Variants in RNF213 observed in about 807,000 individuals in gnomAD.
The protein encoded by RNF213 is E3 ubiquitin-protein ligase RNF213.
RNF213 carries 341 observed loss-of-function variants against 514.4 expected under a neutral mutation model. That is an observed-to-expected ratio of 0.66 (90% CI 0.61 to 0.73). RNF213 has a LOEUF of 0.73. RNF213 is among the 30% of genes least tolerant of loss of function. The pLI is 0.00. For synonymous variants in RNF213, 2,655 were observed against 2,658.2 expected, an observed-to-expected ratio of 1.00 and a Z score of 0.04; for missense variants, 5,767 against 6,615.6, an observed-to-expected ratio of 0.87 and a Z score of 4.45.
At chr17:80,290,207 G>C (rs985899889) in intron 6 of RNF213, among the ~76,000 whole-genome samples, 1 of 152,266 alleles carries the variant, frequency 6.6e-6, no homozygotes, top group African/African-American at 2.4e-5. Flanking sequence ...CCTCCATGGG[G>C]GGTGGTGTGT....
At chr17:80,380,146 A>G (rs1378432647) in intron 55 of RNF213, among the ~76,000 whole-genome samples, 1 of 152,136 alleles carries the variant, frequency 6.6e-6, no homozygotes, top group African/African-American at 2.4e-5. Flanking sequence ...TTTGAGAAAA[A>G]TGAAGGAGAC....
At chr17:80,261,403 A>T (rs945076498) in intron 1 of RNF213, among the ~76,000 whole-genome samples, 1 of 152,112 alleles carries the variant, frequency 6.6e-6, no homozygotes, top group South Asian at 2.1e-4. Context: ...CGTCCTTCCG[A>T]CTTGGCGAAG....
chr17:80,369,738 A>G, intron 45 of RNF213, 30 bp from the exon 46 acceptor site: 1 of 1,613,194 alleles, frequency 6.2e-7, no homozygotes, highest in Non-Finnish European at 8.5e-7. Context: ...TGTCTCATGC[A>G]GTGAGCTGCC....
rs1487349146 is a variant in RNF213 at position 80,380,942 on chromosome 17, A to G, written c.13752A>G (p.Leu4584=). 2 of 1,614,112 alleles carry G rather than the reference A, an allele frequency of 1.2e-6. No individual in the cohort carries two copies. The highest frequency in any genetic ancestry group is 2.2e-5 in the East Asian group (1 of 44,864). Reference sequence around the variant, plus strand: ...CAGTGGTCTTCCTCCTTATCCGGCTACTCACTCACTTGGCTCTGCTTCTGG... The same window carrying G: ...CAGTGGTCTTCCTCCTTATCCGGCTGCTCACTCACTTGGCTCTGCTTCTGG... ...LPPVVFLLIR[L]LTHLALLLGA... Residue 4584 remains leucine, a synonymous_variant, in exon 56 of 68, where the codon CTA becomes CTG. Transcript: ENST00000582970.
At chr17:80,355,916 G>A (rs1013456204) in intron 36 of RNF213, among the ~76,000 whole-genome samples, 4 of 151,934 alleles carry the variant, frequency 2.6e-5, no homozygotes, top group Admixed American at 1.3e-4. Context: ...GTTATCCTTC[G>A]TTTCTCTCCT....
At chr17:80,362,418 A>G (rs759070783) in intron 39 of RNF213, among the ~76,000 whole-genome samples, 2 of 152,276 alleles carry the variant, frequency 1.3e-5, no homozygotes, top group Non-Finnish European at 2.9e-5. Flanking sequence ...CAACAATTTT[A>G]TAATCTCATT....
intron 30 of RNF213, among the ~76,000 whole-genome samples, 183 bp from the exon 31 acceptor site, chr17:80,350,118 C>T (rs1337061399): frequency 6.6e-6 from 1 of 152,192 alleles, no homozygotes; most frequent in Non-Finnish European, 1.5e-5. Flanking sequence ...GAGCACCATC[C>T]TCGGACCTCG....
intron 38 of RNF213, 132 bp from the exon 39 acceptor site, chr17:80,361,602 T>A (rs1459294966): frequency 1.1e-6 from 1 of 878,954 alleles, no homozygotes; most frequent in Non-Finnish European, 1.9e-6. Flanking sequence ...ATCAGGCAGT[T>A]GGTACCCCTT....
intron 5 of RNF213, among the ~76,000 whole-genome samples, chr17:80,289,246 AG>A (rs2143252881): frequency 6.6e-6 from 1 of 152,250 alleles, no homozygotes; most frequent in South Asian, 2.1e-4. Flanking sequence ...CGAGCGGGGA[AG>A]GGTCGTGAAC....
In RNF213 at chr17:80,345,803, A is replaced by G; in HGVS notation, c.7468A>G (p.Asn2490Asp). Residue 2490 changes from asparagine (N) to aspartate (D), a missense_variant, in exon 29 of 68, where the codon AAC becomes GAC. Coordinates refer to ENST00000582970, the MANE Select transcript of RNF213 (RefSeq NM_001256071.3). The surrounding 1 kb of genome is among the most constrained non-coding windows in gnomAD (Gnocchi z 6.0). ...CACCATCTTGTTTTTTGATGAAGCC[A>G]ACACAACGGAAGCTATAAGCTGTAT... Reference protein sequence around the residue: ...LDTILFFDEANTTEAISCIKE... With the variant: ...LDTILFFDEADTTEAISCIKE... 6.2e-7 allele frequency: 1 copy of G among 1,614,158 alleles called. No homozygotes were observed. The highest frequency in any genetic ancestry group is 8.5e-7 in the Non-Finnish European group (1 of 1,180,044).
intron 3 of RNF213, among the ~76,000 whole-genome samples, chr17:80,285,263 G>A (rs750361615): frequency 3.9e-4 from 59 of 152,304 alleles, no homozygotes; most frequent in Middle Eastern, 6.8e-3. Context: ...GAGGCCCACG[G>A]TGGCTCAGTG....
Position 80,352,962 on chromosome 17 carries a change from C to G in RNF213, c.10326C>G (p.Ile3442Met), listed in dbSNP as rs746496977. 6.2e-7 allele frequency: 1 copy of G among 1,613,882 alleles called. No individual in the cohort carries two copies. The highest frequency in any genetic ancestry group is 1.1e-5 in the South Asian group (1 of 91,064). Residue 3442 changes from isoleucine (I) to methionine (M), a missense_variant, in exon 33 of 68, where the codon ATC becomes ATG. Around this residue, in one of 13 missense-constraint regions of RNF213, gnomAD observed 919 missense variants for 1,121.0 expected, o/e 0.82. Transcript: ENST00000582970. ...CAGGGCTGTGGCAGTCTGTCCACAT[C>G]GATGACCTCCGGAGATCCACCCTCA... ...FHGGLWQSVH[I>M]DDLRRSTLMV... is the part of the protein sequence containing the mutation.
intron 51 of RNF213, among the ~76,000 whole-genome samples, 200 bp from the exon 52 acceptor site, chr17:80,376,101 A>G (rs1471092963): frequency 1.3e-5 from 2 of 152,224 alleles, no homozygotes; most frequent in African/African-American, 4.8e-5. Context: ...AGAATAGAAT[A>G]TCAAAATTAA....
intron 38 of RNF213, among the ~76,000 whole-genome samples, chr17:80,360,618 G>A (rs572494959): frequency 2.4e-4 from 36 of 152,266 alleles, no homozygotes; most frequent in African/African-American, 7.7e-4. Context: ...GAAGGCACGA[G>A]CGCCTGGAGC....
At chr17:80,282,840 G>T (rs1403802755) in intron 3 of RNF213, among the ~76,000 whole-genome samples, 1 of 152,092 alleles carries the variant, frequency 6.6e-6, no homozygotes, top group East Asian at 1.9e-4. Context: ...TGGGATTACA[G>T]GTGTGTGCCA....
intron 36 of RNF213, chr17:80,355,378 AGGG>A (rs1193403847): frequency 3.5e-6 from 1 of 281,954 alleles, no homozygotes; most frequent in Admixed American, 3.3e-5. Context: ...GGGAGCTTAC[AGGG>A]GAAGAAGCGG....
rs1170406366 is a variant in RNF213 at position 80,346,826 on chromosome 17, G to T, written c.8491G>T (p.Gly2831Trp). Residue 2831 changes from glycine (G) to tryptophan (W), a missense_variant, in exon 29 of 68, where the codon GGG (glycine) becomes TGG (tryptophan). Coordinates refer to ENST00000582970, the MANE Select transcript of RNF213 (RefSeq NM_001256071.3). This position sits in a 1 kb window ranked among gnomAD's most constrained non-coding sequence, Gnocchi z 8.1. ...TFRQCARFQQ[G>W]KDLQQYVSVV... ...CCGGCAGTGCGCCCGCTTTCAGCAG[G>T]GGAAGGACCTGCAGCAGTACGTCTC... 1 of 1,614,140 alleles carries T rather than the reference G, an allele frequency of 6.2e-7. No individual in the cohort carries two copies. Among genetic ancestry groups the T allele is most frequent in the African/African-American group, 1.3e-5 (1 of 75,030 alleles).
chr17:80,274,859 T>G (rs919309343), intron 3 of RNF213, among the ~76,000 whole-genome samples: 1 of 24,468 alleles, frequency 4.1e-5, no homozygotes, highest in Non-Finnish European at 7.5e-5. Flanking sequence ...GGGTGTGTGT[T>G]GGGGGGTGTG....
At position 80,343,898 on chromosome 17, in the gene RNF213, T is replaced by G. The variant is rs777708509; in HGVS notation, c.6225T>G (p.Ile2075Met). 6 of 1,614,204 alleles carry G rather than the reference T, an allele frequency of 3.7e-6. No homozygotes were observed. The South Asian group carries it at 5.5e-5, about 15-fold the overall frequency. The change falls in exon 28 of 68, where the codon ATT (isoleucine) becomes ATG (methionine). Residue 2075 changes from isoleucine to methionine, a missense_variant. Ile to Met is a conservative substitution (Grantham distance 10). Coordinates refer to ENST00000582970, the MANE Select transcript of RNF213 (RefSeq NM_001256071.3). This position sits in a 1 kb window ranked among gnomAD's most constrained non-coding sequence, Gnocchi z 4.3. ...GGGTGTTTCTTTTCAAGCTCCTCATTTTACAATACTTAATGGATATAAATG... is the reference window on the plus strand; with the variant it reads ...GGGTGTTTCTTTTCAAGCTCCTCATGTTACAATACTTAATGGATATAAATG... ...GIWVFLFKLL[I>M]LQYLMDINGK...
Sources: allele counts gnomAD v4.1 joint callset (sites outside exome capture counted in the v4.1 genomes callset), GRCh38; gene constraint gnomAD v4.1.1; regional missense constraint gnomAD v4.1.1; non-coding constraint Gnocchi (gnomAD v3.1); transcripts MANE v1.5; gene names NCBI Gene and HGNC (gene_info 2026-07-23, HGNC 2026-07-21).